The following SPECC1L variants were observed in gnomAD, a reference collection of about 807,000 sequenced individuals.
The protein encoded by SPECC1L is cytospin-A.
Under a neutral mutation model 116.8 loss-of-function variants are expected in SPECC1L, and 40 were observed. The ratio of observed to expected loss-of-function variants is 0.34; its 90% CI spans 0.27 to 0.45. The LOEUF (loss-of-function observed/expected upper bound fraction) is 0.45. Among genes scored for constraint, SPECC1L ranks in the 20% least tolerant of loss-of-function variants. The pLI is 1.00. For synonymous variants in SPECC1L, 504 were observed against 500.6 expected, an observed-to-expected ratio of 1.01 and a Z score of -0.09; for missense variants, 1,110 against 1,373.6, an observed-to-expected ratio of 0.81 and a Z score of 3.03.
chr22:24,313,814 C>T (rs1363515534), intron 4 of SPECC1L, among the ~76,000 whole-genome samples: 1 of 151,080 alleles, frequency 6.6e-6, no homozygotes, highest in Non-Finnish European at 1.5e-5. Flanking sequence ...TCTTGGCTCA[C>T]CACAACCTTC....
chr22:24,341,388 A>G (rs1336755434), intron 10 of SPECC1L, among the ~76,000 whole-genome samples: 1 of 152,218 alleles, frequency 6.6e-6, no homozygotes, highest in East Asian at 1.9e-4. Context: ...CACCTAGGGC[A>G]GGAAATCATT....
intron 2 of SPECC1L, among the ~76,000 whole-genome samples, chr22:24,295,815 G>T (rs1369271472): frequency 2.0e-5 from 3 of 152,096 alleles, no homozygotes; most frequent in Non-Finnish European, 2.9e-5. Flanking sequence ...AAGCGTGGTG[G>T]CAGGCGCCCA....
chr22:24,271,051 C>T (rs997840170), intron 1 of SPECC1L, 68 bp downstream of exon 1: 1 of 152,468 alleles, frequency 6.6e-6, no homozygotes, highest in Admixed American at 6.5e-5. Flanking sequence ...GCGCCGCCCG[C>T]GCTGCCGCGC....
intron 14 of SPECC1L, among the ~76,000 whole-genome samples, chr22:24,404,477 G>T (rs1052983064): frequency 3.9e-5 from 6 of 152,142 alleles, no homozygotes; most frequent in African/African-American, 1.4e-4. Context: ...ACCAGCGTCT[G>T]GTTCTGCCCA....
intron 3 of SPECC1L, chr22:24,304,601 G>C (rs562696289): frequency 6.6e-6 from 1 of 152,282 alleles, no homozygotes; most frequent in South Asian, 2.1e-4. Context: ...CGCTTTGCAG[G>C]GTTCACTTAC....
intron 11 of SPECC1L, among the ~76,000 whole-genome samples, chr22:24,361,293 G>A (rs2041638038): frequency 6.6e-6 from 1 of 152,324 alleles, no homozygotes; most frequent in South Asian, 2.1e-4. Flanking sequence ...AAGAGGCTGA[G>A]GTGGAGGATC....
At chr22:24,375,477 G>T (rs1418069179) in intron 14 of SPECC1L, among the ~76,000 whole-genome samples, 1 of 152,142 alleles carries the variant, frequency 6.6e-6, no homozygotes, top group Non-Finnish European at 1.5e-5. Flanking sequence ...GCAATGCAAG[G>T]TTGGTTCAAC....
At chr22:24,344,290 CA>C (rs376327823) in intron 10 of SPECC1L, among the ~76,000 whole-genome samples, 107 of 151,418 alleles carry the variant, frequency 7.1e-4, no homozygotes, top group African/African-American at 2.5e-3. Context: ...TGATGTATCC[CA>C]GGGGTGCAAG....
chr22:24,338,875 G>C (rs895799991), intron 10 of SPECC1L, among the ~76,000 whole-genome samples: 13 of 152,212 alleles, frequency 8.5e-5, no homozygotes, highest in African/African-American at 3.1e-4. Context: ...TTAAGTGGTA[G>C]AGTAGGGGTT....
chr22:24,299,729 A>T (rs570199752), intron 2 of SPECC1L, among the ~76,000 whole-genome samples: 1 of 151,730 alleles, frequency 6.6e-6, no homozygotes, highest in South Asian at 2.1e-4. Flanking sequence ...AGCTCTATTG[A>T]TATGTAATTT....
chr22:24,315,442 G>T (rs940505261), intron 4 of SPECC1L, among the ~76,000 whole-genome samples: 2 of 152,276 alleles, frequency 1.3e-5, no homozygotes, highest in African/African-American at 4.8e-5. Context: ...TTGGGGATCT[G>T]TTTTGACAAG....
intron 10 of SPECC1L, among the ~76,000 whole-genome samples, chr22:24,341,584 A>G (rs1011096117): frequency 2.6e-5 from 4 of 152,232 alleles, no homozygotes; most frequent in African/African-American, 4.8e-5. Flanking sequence ...TTAAGTAGCT[A>G]TAGTAGGCAG....
chr22:24,274,458 A>G (rs1447943192), intron 1 of SPECC1L, among the ~76,000 whole-genome samples: 1 of 152,232 alleles, frequency 6.6e-6, no homozygotes, highest in Non-Finnish European at 1.5e-5. Flanking sequence ...TTGAAATGAA[A>G]TTAATAATGT....
At chr22:24,320,386 G>T (rs184428450) in intron 4 of SPECC1L, among the ~76,000 whole-genome samples, 11 of 152,162 alleles carry the variant, frequency 7.2e-5, no homozygotes, top group Non-Finnish European at 1.5e-4. Context: ...AAGTAATCAT[G>T]TGATTCACGT....
chr22:24,379,191 T>C (rs1245773964), intron 14 of SPECC1L, among the ~76,000 whole-genome samples: 1 of 151,760 alleles, frequency 6.6e-6, no homozygotes, highest in East Asian at 1.9e-4. Flanking sequence ...GTTGGCAACA[T>C]AGTGAGATCT....
At chr22:24,287,800 G>A (rs1465743444) in intron 2 of SPECC1L, among the ~76,000 whole-genome samples, 5 of 152,080 alleles carry the variant, frequency 3.3e-5, no homozygotes, top group African/African-American at 1.2e-4. Context: ...CTAGGACCCC[G>A]CTGGAATATA....
chr22:24,409,761 G>A (rs750998263), intron 14 of SPECC1L, among the ~76,000 whole-genome samples: 7 of 152,220 alleles, frequency 4.6e-5, no homozygotes, highest in Non-Finnish European at 1.0e-4. Context: ...GGGTACAGTG[G>A]CTCTTGCATG....
rs1309025101 is a variant in SPECC1L at position 24,414,891 on chromosome 22, C to T, written c.*268C>T. ...CAGGCCGGTGGCTGCTGGAGTTTTCCTTCTGAAGAGAATATTGAACTACAC... is the reference window on the plus strand; with the variant it reads ...CAGGCCGGTGGCTGCTGGAGTTTTCTTTCTGAAGAGAATATTGAACTACAC... On this transcript the variant is annotated 3_prime_UTR_variant, in exon 17 of 17. Coordinates refer to ENST00000314328, the MANE Select transcript of SPECC1L (RefSeq NM_015330.6). 2 of 508,656 alleles carry T rather than the reference C, an allele frequency of 3.9e-6. No homozygotes were observed. Among genetic ancestry groups the T allele is most frequent in the African/African-American group, 1.9e-5 (1 of 51,798 alleles). 31.5% of individuals were successfully genotyped at this position (508,656 alleles called of 1,614,324 possible). A position where few individuals can be genotyped will look rare whatever the true frequency, so the allele number is the denominator to read the frequency against.
chr22:24,333,086 G>T (rs1476676402), intron 8 of SPECC1L, among the ~76,000 whole-genome samples: 1 of 152,120 alleles, frequency 6.6e-6, no homozygotes, highest in Non-Finnish European at 1.5e-5. Context: ...AAATTAGCCG[G>T]GGGTGGTGGC....
Sources: gnomAD v4.1 joint callset for allele counts (sites outside exome capture counted in the v4.1 genomes callset) on GRCh38, gnomAD v4.1.1 for gene constraint, MANE v1.5 for transcripts, NCBI Gene and HGNC (gene_info 2026-07-23, HGNC 2026-07-21) for gene names.